The following HSPA12A variants were observed in gnomAD, a reference collection of about 807,000 sequenced individuals.
HSPA12A encodes heat shock protein family A (Hsp70) member 12A, also known as heat shock 70 kDa protein 12A.
Under a neutral mutation model 69.2 loss-of-function variants are expected in HSPA12A, and 28 were observed. That is an observed-to-expected ratio of 0.40 (90% CI 0.30 to 0.55). The LOEUF (loss-of-function observed/expected upper bound fraction) is 0.55. Ranked by LOEUF, HSPA12A falls within the 20% of genes least tolerant of loss-of-function variation. The pLI is 0.38. For synonymous variants in HSPA12A, 345 were observed against 370.5 expected (o/e 0.93, Z 0.79); for missense variants, 686 against 900.7 (o/e 0.76, Z 3.05).
intron 1 of HSPA12A, among the ~76,000 whole-genome samples, chr10:116,727,228 TG>T (rs782450625): frequency 5.3e-5 from 8 of 152,204 alleles, no homozygotes; most frequent in Non-Finnish European, 1.0e-4. Flanking sequence ...TTTTCTCACC[TG>T]GGGTCAACTC....
rs60350227 is a variant in HSPA12A at position 116,778,625 on chromosome 10, G to A, written c.91+56310C>T. 2.0e-5 allele frequency among the ~76,000 whole-genome samples: 3 copies of A among 152,296 alleles called. No homozygotes were observed. In the East Asian group the frequency reaches 5.8e-4, roughly 29 times the overall value. On this transcript the variant is annotated intron_variant, in intron 2 of 12. Coordinates refer to the HSPA12A transcript ENST00000635765. ...GGCTTCATCAGAAAGTCCAGGCTGG[G>A]CATGGAGGCTCAAGCCTATAAATCC...
intron 1 of HSPA12A, among the ~76,000 whole-genome samples, chr10:116,734,324 C>T (rs1315037941): frequency 6.6e-6 from 1 of 151,984 alleles, no homozygotes; most frequent in African/African-American, 2.4e-5. Flanking sequence ...GTGGCACACA[C>T]CTGTAGTCCC....
chr10:116,688,325 G>T (rs997029429), intron 6 of HSPA12A, among the ~76,000 whole-genome samples: 6 of 152,188 alleles, frequency 3.9e-5, no homozygotes, highest in African/African-American at 1.4e-4. Context: ...CTACATACAG[G>T]AAGTATCTGA....
rs1183101070 is a variant in HSPA12A at position 116,742,436 on chromosome 10, G to A, written c.34C>T (p.Pro12Ser). The change falls in exon 1 of 12, where the codon CCC becomes TCC. Residue 12 changes from proline to serine, a missense_variant. Pro to Ser is a moderately conservative substitution (Grantham distance 74). Coordinates refer to ENST00000369209, the MANE Select transcript of HSPA12A (RefSeq NM_025015.3). ...ACCCGCAGCCTGCGCTCACCTCGGG[G>A]CCCGTCGCTGCCGCCGGCCTCCTTG... ...ADKEAGGSDG[P>S]RETAPTSAYS... 2.1e-6 allele frequency: 3 copies of A among 1,414,878 alleles called. No individual in the cohort carries two copies. Among genetic ancestry groups the A allele is most frequent in the African/African-American group, 3.0e-5 (2 of 66,630 alleles). The allele number at this position is 1,414,878 out of a possible 1,614,324, so 87.6% of individuals were successfully genotyped here.
chr10:116,779,237 C>T (rs781923033), intron 2 of HSPA12A, among the ~76,000 whole-genome samples: 3 of 152,222 alleles, frequency 2.0e-5, no homozygotes, highest in Non-Finnish European at 4.4e-5. Flanking sequence ...ACTGCCAACA[C>T]GGAAGGTCCA....
intron 9 of HSPA12A, among the ~76,000 whole-genome samples, chr10:116,680,011 CAA>C (rs1849359322): frequency 6.6e-6 from 1 of 152,076 alleles, no homozygotes; most frequent in Admixed American, 6.5e-5. Context: ...TTTTTTGAGA[CAA>C]AGTTTTCACC....
intron 2 of HSPA12A, among the ~76,000 whole-genome samples, chr10:116,786,179 G>T (rs1447786868): frequency 1.3e-5 from 2 of 152,222 alleles, no homozygotes; most frequent in Non-Finnish European, 2.9e-5. Context: ...CAGCAGTGGG[G>T]TTGCATGGAA....
In HSPA12A at chr10:116,723,200, T is replaced by C. The variant is rs1452675047; in HGVS notation, c.41-15915A>G. On this transcript the variant is annotated intron_variant, in intron 1 of 11. Coordinates refer to ENST00000369209, the MANE Select transcript of HSPA12A (RefSeq NM_025015.3). The surrounding 1 kb of genome is among the most constrained non-coding windows in gnomAD (Gnocchi z 4.1). ...CCAATCAGATACCTCCATTACCCCC[T>C]AACCATTGCCCCCCCATCATTCCTG... is the stretch of plus-strand genomic sequence containing the variant. 6.6e-6 allele frequency among the ~76,000 whole-genome samples: 1 copy of C among 151,312 alleles called. No homozygotes were observed. The highest frequency in any genetic ancestry group is 1.5e-5 in the Non-Finnish European group (1 of 67,760).
intron 1 of HSPA12A, among the ~76,000 whole-genome samples, chr10:116,727,815 T>C (rs1851021840): frequency 6.9e-6 from 1 of 145,768 alleles, no homozygotes; most frequent in South Asian, 2.4e-4. Context: ...TGGGGTGCAA[T>C]GGCACAATCT....
intron 2 of HSPA12A, among the ~76,000 whole-genome samples, chr10:116,749,745 G>A (rs568671093): frequency 3.3e-5 from 5 of 152,202 alleles, no homozygotes; most frequent in Non-Finnish European, 7.3e-5. Context: ...TTTTTAAGAT[G>A]AGAAAACCAA....
intron 3 of HSPA12A, among the ~76,000 whole-genome samples, chr10:116,704,207 A>G (rs1554881959): frequency 1.3e-5 from 2 of 152,214 alleles, no homozygotes; most frequent in East Asian, 1.9e-4. Flanking sequence ...CTTGGAACCA[A>G]TGTAAATGTC....
chr10:116,770,148 G>A (rs1394040539), intron 2 of HSPA12A, among the ~76,000 whole-genome samples: 1 of 152,210 alleles, frequency 6.6e-6, no homozygotes, highest in Non-Finnish European at 1.5e-5. Flanking sequence ...GTGAGCCCTT[G>A]TGGTGGATGC....
intron 2 of HSPA12A, among the ~76,000 whole-genome samples, chr10:116,782,263 CTT>C (rs1413992721): frequency 6.6e-6 from 1 of 152,126 alleles, no homozygotes; most frequent in Admixed American, 6.6e-5. Context: ...CACCGGGGAT[CTT>C]TACACAAAGC....
At chr10:116,679,895 C>T in intron 9 of HSPA12A, 134 bp from the exon 10 acceptor site, 2 of 802,518 alleles carry the variant, frequency 2.5e-6, no homozygotes, top group Non-Finnish European at 4.0e-6. Flanking sequence ...TGTTTACTTA[C>T]ACTTCAGAAC....
In HSPA12A at chr10:116,679,520, G is replaced by A. The variant is rs61742406; in HGVS notation, c.1269C>T (p.His423=). The change falls in exon 10 of 12, where the codon CAC becomes CAT. Residue 423 remains histidine (H), a synonymous_variant. Transcript: ENST00000369209. ...CAACTCACTTGCTTTTCCGCAAGGC[G>A]TGCTCCACACTGTGCCCGCGGAACT... The part of the protein sequence containing the change: ...YKKFRGHSVE[H]ALRKSNVDFV... 874 of 1,613,906 alleles carry A rather than the reference G, an allele frequency of 5.4e-4. 7 individuals carry two copies. In the East Asian group the frequency reaches 9.2e-3, roughly 17 times the overall value.
rs1328494982 is a variant in HSPA12A at position 116,686,491 on chromosome 10, T to A, written c.664-2529A>T. 6.6e-6 allele frequency among the ~76,000 whole-genome samples: 1 copy of A among 152,076 alleles called. No individual in the cohort carries two copies. Among genetic ancestry groups the A allele is most frequent in the Non-Finnish European group, 1.5e-5 (1 of 68,012 alleles). Reference sequence around the variant, plus strand: ...CCAAAGTTCAAACTTGAAAATAAACTGGGGATGGCAGTAGACCCATGAGTG... The same window carrying A: ...CCAAAGTTCAAACTTGAAAATAAACAGGGGATGGCAGTAGACCCATGAGTG... On this transcript the variant is annotated intron_variant, in intron 6 of 11. Transcript: ENST00000369209. The surrounding 1 kb of genome is among the most constrained non-coding windows in gnomAD (Gnocchi z 4.1).
chr10:116,679,416 C>A (rs1849336442), intron 10 of HSPA12A, 87 bp downstream of exon 10: 7 of 1,522,670 alleles, frequency 4.6e-6, no homozygotes, highest in African/African-American at 1.4e-5. Flanking sequence ...AGGATTGGAA[C>A]CCGAAGTCCA....
chr10:116,694,269 A>T (rs1554880448), intron 5 of HSPA12A, among the ~76,000 whole-genome samples: 1 of 152,150 alleles, frequency 6.6e-6, no homozygotes. Context: ...TGGACGTCCC[A>T]CTTGAGTAGG....
At chr10:116,678,501 G>A (rs183647146) in intron 10 of HSPA12A, among the ~76,000 whole-genome samples, 408 of 150,056 alleles carry the variant, frequency 2.7e-3, no homozygotes, top group Admixed American at 5.0e-3. Context: ...GAAAAACCAG[G>A]AGGGGAACCT....
Sources: allele counts gnomAD v4.1 joint callset (sites outside exome capture counted in the v4.1 genomes callset), GRCh38; gene constraint gnomAD v4.1.1; non-coding constraint Gnocchi (gnomAD v3.1); transcripts MANE v1.5; gene names NCBI Gene and HGNC (gene_info 2026-07-23, HGNC 2026-07-21).